ST7L: variants seen among roughly 807,000 people sequenced by gnomAD.
ST7L encodes suppression of tumorigenicity 7 like.
A neutral mutation model predicts 72.5 loss-of-function variants in ST7L; 57 were observed. The ratio of observed to expected loss-of-function variants is 0.79; its 90% CI spans 0.64 to 0.98. The LOEUF is 0.98. Ranked by LOEUF, ST7L falls within the 50% of genes least tolerant of loss-of-function variation. The probability of loss-of-function intolerance (pLI) is 0.00; values close to 1 mark genes in which losing one functional copy is unlikely to be tolerated. For synonymous variants in ST7L, 221 were observed against 240.9 expected (o/e 0.92, Z 0.77); for missense variants, 576 against 672.2 (o/e 0.86, Z 1.58).
chr1:112,586,772 T>G (rs866568824), intron 6 of ST7L, among the ~76,000 whole-genome samples: 7 of 152,318 alleles, frequency 4.6e-5, no homozygotes, highest in Middle Eastern at 6.8e-3. Flanking sequence ...GAGGTAAAAT[T>G]CAAATAACAA....
intron 12 of ST7L, among the ~76,000 whole-genome samples, chr1:112,552,071 C>A (rs997153297): frequency 6.6e-6 from 1 of 152,144 alleles, no homozygotes; most frequent in African/African-American, 2.4e-5. Context: ...CAGGAACCCA[C>A]CCTGGACAGG....
chr1:112,535,409 G>T (rs577034774), intron 14 of ST7L, among the ~76,000 whole-genome samples: 1,584 of 151,260 alleles, frequency 0.01, 30 homozygotes, highest in East Asian at 0.083. Context: ...AGAAGAAGAA[G>T]AAGAAGAAGA....
At chr1:112,600,161 C>G (rs953380772) in intron 4 of ST7L, among the ~76,000 whole-genome samples, 6 of 152,110 alleles carry the variant, frequency 3.9e-5, no homozygotes, top group African/African-American at 1.4e-4. Context: ...CTGCCTCAGC[C>G]TCCCAAGTAG....
chr1:112,543,825 T>C (rs1019978144), intron 13 of ST7L, among the ~76,000 whole-genome samples: 4 of 136,388 alleles, frequency 2.9e-5, no homozygotes, highest in Non-Finnish European at 4.5e-5. Flanking sequence ...GCCAAGATCA[T>C]GCCACTGCAC....
At position 112,543,880 on chromosome 1, in the gene ST7L, A is replaced by AAC. The variant is rs1656625274; in HGVS notation, c.1490-1791_1490-1790insGT. Reference sequence around the variant, plus strand: ...TGAGACTCTATCTCAAAAAAAAAAAAAAAAAAAAAAACCTAAACTAGCAAA... The same window carrying AAC: ...TGAGACTCTATCTCAAAAAAAAAAAAACAAAAAAAAAAACCTAAACTAGCAAA... On this transcript the variant is annotated intron_variant, in intron 13 of 14. Transcript: ENST00000358039. Among the ~76,000 whole-genome samples, 10 of 151,678 alleles carry AAC rather than the reference A, an allele frequency of 6.6e-5. No individual in the cohort carries two copies. In the South Asian group the frequency reaches 1.9e-3, roughly 28 times the overall value.
chr1:112,583,400 G>T (rs1383673917), intron 7 of ST7L, among the ~76,000 whole-genome samples: 2 of 152,124 alleles, frequency 1.3e-5, no homozygotes, highest in African/African-American at 2.4e-5. Context: ...GCATATCTAA[G>T]AACAGAAAGG....
intron 11 of ST7L, among the ~76,000 whole-genome samples, chr1:112,556,990 A>AAAAAAAAAAAAAAAAAAAAAAC (rs1659287232): frequency 7.0e-6 from 1 of 143,078 alleles, no homozygotes; most frequent in Non-Finnish European, 1.5e-5. Context: ...AAAAACAAAA[A>AAAAAAAAAAAAAAAAAAAAAAC]AAAAAAAACA....
intron 3 of ST7L, 149 bp from the exon 4 acceptor site, chr1:112,600,997 T>A: frequency 1.5e-6 from 1 of 662,432 alleles, no homozygotes; most frequent in Non-Finnish European, 2.6e-6. Context: ...AAAACAGAAT[T>A]AAATCTAGTC....
chr1:112,579,966 G>A (rs977832380), intron 9 of ST7L, among the ~76,000 whole-genome samples: 1 of 152,158 alleles, frequency 6.6e-6, no homozygotes, highest in African/African-American at 2.4e-5. Flanking sequence ...CATATGGAAA[G>A]AATTTCTCAC....
intron 2 of ST7L, among the ~76,000 whole-genome samples, chr1:112,615,705 A>G (rs1185039533): frequency 6.6e-6 from 1 of 151,930 alleles, no homozygotes; most frequent in African/African-American, 2.4e-5. Context: ...TAATGGGCAA[A>G]TTTTATATAA....
At chr1:112,578,240 G>T in intron 10 of ST7L, 105 bp downstream of exon 10, 1 of 1,138,250 alleles carries the variant, frequency 8.8e-7, no homozygotes, top group Non-Finnish European at 1.3e-6. Context: ...GGGCTATTCA[G>T]AAGGAAGTAG....
intron 11 of ST7L, among the ~76,000 whole-genome samples, chr1:112,556,600 G>C (rs1046708958): frequency 1.3e-5 from 2 of 152,124 alleles, no homozygotes; most frequent in African/African-American, 4.8e-5. Flanking sequence ...CTGTTCTGTG[G>C]AGCTACATAA....
intron 9 of ST7L, among the ~76,000 whole-genome samples, chr1:112,579,932 G>C (rs546909088): frequency 4.6e-5 from 7 of 152,244 alleles, no homozygotes; most frequent in African/African-American, 1.2e-4. Flanking sequence ...AGTATTATAA[G>C]CAGGCCATGT....
chr1:112,569,957 C>CA (rs750153250), intron 11 of ST7L, among the ~76,000 whole-genome samples: 17,322 of 71,938 alleles, frequency 0.24, 1,633 homozygotes, highest in East Asian at 0.47. Context: ...GATTCTGTCT[C>CA]AAAAAAAAAA....
At chr1:112,596,856 C>T (rs555929917) in intron 5 of ST7L, among the ~76,000 whole-genome samples, 1 of 152,204 alleles carries the variant, frequency 6.6e-6, no homozygotes, top group East Asian at 1.9e-4. Flanking sequence ...AGGCTGGTCT[C>T]GAACTCCTGA....
Position 112,577,102 on chromosome 1 carries a change from A to G in ST7L, c.1143-14T>C. ...TCTGGAGAGAATCTACAAGAAAACC[A>G]CAAAATGAAAAAATAAATATGCTAA... On this transcript the variant is annotated splice_polypyrimidine_tract_variant and intron_variant, in intron 10 of 14. Coordinates refer to ENST00000358039, the MANE Select transcript of ST7L (RefSeq NM_017744.5). The G allele has an allele frequency of 6.6e-7, 1 of 1,520,192 alleles. No individual in the cohort carries two copies. The highest frequency in any genetic ancestry group is 9.0e-7 in the Non-Finnish European group (1 of 1,117,254). 94.2% of individuals were successfully genotyped at this position (1,520,192 alleles called of 1,614,324 possible).
chr1:112,554,022 G>GAAT (rs1202174598), intron 12 of ST7L, among the ~76,000 whole-genome samples: 1 of 152,114 alleles, frequency 6.6e-6, no homozygotes, highest in African/African-American at 2.4e-5. Context: ...ACCTAGCCTT[G>GAAT]AATATTGTAT....
At chr1:112,560,184 G>A (rs1659877424) in intron 11 of ST7L, among the ~76,000 whole-genome samples, 1 of 151,752 alleles carries the variant, frequency 6.6e-6, no homozygotes, top group East Asian at 2.0e-4. Flanking sequence ...CACGAGGTTA[G>A]GAGATCCAGA....
intron 11 of ST7L, among the ~76,000 whole-genome samples, chr1:112,569,089 T>C (rs1661619489): frequency 1.3e-5 from 2 of 151,830 alleles, no homozygotes; most frequent in African/African-American, 4.8e-5. Flanking sequence ...TTGAGACAAA[T>C]GTAGAGGAAC....
Sources: allele counts gnomAD v4.1 joint callset (sites outside exome capture counted in the v4.1 genomes callset), GRCh38; gene constraint gnomAD v4.1.1; transcripts MANE v1.5; gene names NCBI Gene and HGNC (gene_info 2026-07-23, HGNC 2026-07-21).